DOCK10: variants seen among roughly 807,000 people sequenced by gnomAD.
DOCK10 encodes dedicator of cytokinesis protein 10.
A neutral mutation model predicts 280.1 loss-of-function variants in DOCK10; 145 were observed. That is an observed-to-expected ratio of 0.52 (90% CI 0.45 to 0.59). DOCK10 has a LOEUF of 0.59. DOCK10 is among the 20% of genes least tolerant of loss of function. The pLI is 0.00. For missense variants in DOCK10, 2,368 were observed against 2,651.7 expected, an observed-to-expected ratio of 0.89 and a Z score of 2.35; for synonymous variants, 915 against 942.2, an observed-to-expected ratio of 0.97 and a Z score of 0.53.
chr2:225,031,002 C>T (rs1331284716), intron 1 of DOCK10, among the ~76,000 whole-genome samples: 2 of 152,202 alleles, frequency 1.3e-5, no homozygotes, highest in African/African-American at 4.8e-5. Context: ...ATGACATTCT[C>T]TTTTCCATTT....
In DOCK10 at chr2:224,940,507, G is replaced by T. The variant is rs143246529; in HGVS notation, c.124-8839C>A. Reference sequence around the variant, plus strand: ...CTGTCTTTGAGGTGTGGGAATTTAGGTTTGGTAAACTCCTGAATTACCAGT... The same window carrying T: ...CTGTCTTTGAGGTGTGGGAATTTAGTTTTGGTAAACTCCTGAATTACCAGT... On this transcript the variant is annotated intron_variant, in intron 1 of 55. Transcript: ENST00000258390. Among the ~76,000 whole-genome samples, 570 of 152,278 alleles carry T rather than the reference G, an allele frequency of 3.7e-3. 10 individuals are homozygous for T. The highest frequency in any genetic ancestry group is 0.013 in the African/African-American group (545 of 41,542).
chr2:224,836,890 C>T (rs78980022), intron 25 of DOCK10, among the ~76,000 whole-genome samples: 8,726 of 148,298 alleles, frequency 0.059, 290 homozygotes, highest in South Asian at 0.079. Context: ...TGAGCCACCA[C>T]GCTTGGCCGA....
chr2:224,886,885 AAC>A lies in DOCK10; in HGVS notation c.417-356_417-355del, dbSNP rs1491206411. 2.6e-5 allele frequency among the ~76,000 whole-genome samples: 3 copies of A among 116,114 alleles called. 1 individual carries two copies. The highest frequency in any genetic ancestry group is 9.5e-5 in the African/African-American group (2 of 20,970). 76.2% of individuals were successfully genotyped at this position (116,114 alleles called of 152,430 possible). A position where few individuals can be genotyped will look rare whatever the true frequency, so the allele number is the denominator to read the frequency against. On this transcript the variant is annotated intron_variant, in intron 4 of 55. Transcript: ENST00000258390. Reference sequence around the variant, plus strand: ...TTCTCATGCTGCATGCAGCACCCCCAACACCCCCCCAAGTAGTACCTGGGATT... The same window carrying A: ...TTCTCATGCTGCATGCAGCACCCCCAACCCCCCCAAGTAGTACCTGGGATT...
chr2:224,969,559 G>A (rs774674720), intron 1 of DOCK10, among the ~76,000 whole-genome samples: 2 of 152,128 alleles, frequency 1.3e-5, no homozygotes, highest in African/African-American at 2.4e-5. Flanking sequence ...AAAAGCCTCC[G>A]ATGCCCATCA....
chr2:224,873,966 G>A, intron 11 of DOCK10, 30 bp downstream of exon 11: 1 of 1,586,424 alleles, frequency 6.3e-7, no homozygotes, highest in Non-Finnish European at 8.6e-7. Context: ...TTGGCTTAAT[G>A]GTATAGGATG....
chr2:225,005,831 C>T (rs1274330432), intron 1 of DOCK10, among the ~76,000 whole-genome samples: 1 of 152,190 alleles, frequency 6.6e-6, no homozygotes, highest in Non-Finnish European at 1.5e-5. Context: ...ATAACTGAAA[C>T]AAAATCTTCC....
At chr2:224,868,841 T>C (rs1258509889) in intron 11 of DOCK10, among the ~76,000 whole-genome samples, 1 of 152,016 alleles carries the variant, frequency 6.6e-6, no homozygotes, top group Non-Finnish European at 1.5e-5. Context: ...AATGCAAAAA[T>C]TACAGAAAAA....
chr2:224,987,936 G>C (rs1337424713), intron 1 of DOCK10, among the ~76,000 whole-genome samples: 1 of 152,150 alleles, frequency 6.6e-6, no homozygotes. Context: ...TGACTCATAC[G>C]AGTCACCTAA....
chr2:224,852,786 C>G (rs916952046), intron 17 of DOCK10, 149 bp downstream of exon 17: 4 of 600,786 alleles, frequency 6.7e-6, no homozygotes, highest in African/African-American at 5.6e-5. Flanking sequence ...TAAAACTCAT[C>G]AGTGCCTCTT....
At chr2:224,780,990 T>G (rs1691293487) in intron 50 of DOCK10, among the ~76,000 whole-genome samples, 1 of 152,110 alleles carries the variant, frequency 6.6e-6, no homozygotes, top group African/African-American at 2.4e-5. Flanking sequence ...AAATTCAGAC[T>G]CAGCAACCTA....
intron 1 of DOCK10, among the ~76,000 whole-genome samples, chr2:224,969,414 A>G (rs977118994): frequency 2.0e-5 from 3 of 152,170 alleles, no homozygotes; most frequent in Non-Finnish European, 4.4e-5. Context: ...ATGAACACAT[A>G]TATGGTTCAT....
chr2:224,814,289 A>G lies in DOCK10; in HGVS notation c.3409+31T>C, dbSNP rs1693978730. 6.3e-6 allele frequency: 9 copies of G among 1,422,664 alleles called. No individual in the cohort carries two copies. In the East Asian group the frequency reaches 2.4e-4, roughly 37 times the overall value. The allele number at this position is 1,422,664 out of a possible 1,614,324, so 88.1% of individuals were successfully genotyped here. A position where few individuals can be genotyped will look rare whatever the true frequency, so the allele number is the denominator to read the frequency against. Reference sequence around the variant, plus strand: ...CAATATTATTGGATTACAGGTGGTTACTGATGCTTAGGTAAGGTAATATCA... The same window carrying G: ...CAATATTATTGGATTACAGGTGGTTGCTGATGCTTAGGTAAGGTAATATCA... On this transcript the variant is annotated intron_variant, in intron 31 of 55. Coordinates refer to ENST00000258390, the MANE Select transcript of DOCK10 (RefSeq NM_014689.3).
chr2:224,987,790 T>C (rs956644696), intron 1 of DOCK10, among the ~76,000 whole-genome samples: 2 of 152,100 alleles, frequency 1.3e-5, no homozygotes, highest in Admixed American at 6.6e-5. Flanking sequence ...ACAGTGAGAC[T>C]GACAGAACCT....
chr2:224,954,594 A>G (rs972199169), intron 1 of DOCK10, among the ~76,000 whole-genome samples: 1 of 152,160 alleles, frequency 6.6e-6, no homozygotes, highest in African/African-American at 2.4e-5. Flanking sequence ...ATGGAGACAA[A>G]ACTCTAACTC....
intron 2 of DOCK10, among the ~76,000 whole-genome samples, chr2:224,922,748 A>G (rs560134144): frequency 6.6e-6 from 1 of 152,292 alleles, no homozygotes; most frequent in East Asian, 1.9e-4. Context: ...AGGTCACTGT[A>G]AAAGTCTAAA....
chr2:224,913,930 G>T (rs143649903), intron 3 of DOCK10, among the ~76,000 whole-genome samples: 19 of 152,014 alleles, frequency 1.2e-4, no homozygotes, highest in African/African-American at 4.6e-4. Flanking sequence ...AGTAGAGACG[G>T]GGTTTCACCA....
intron 2 of DOCK10, among the ~76,000 whole-genome samples, chr2:224,919,447 G>A (rs1701563120): frequency 6.6e-6 from 1 of 151,120 alleles, no homozygotes; most frequent in Admixed American, 6.6e-5. Flanking sequence ...CTGTACACAT[G>A]TGAATGGGTG....
chr2:224,925,818 C>T (rs1702017602), intron 2 of DOCK10, among the ~76,000 whole-genome samples: 1 of 152,206 alleles, frequency 6.6e-6, no homozygotes, highest in African/African-American at 2.4e-5. Context: ...AAACTCATTT[C>T]TGACTTTCTC....
chr2:224,967,204 C>G (rs1010817318), intron 1 of DOCK10, among the ~76,000 whole-genome samples: 3 of 152,008 alleles, frequency 2.0e-5, no homozygotes, highest in Non-Finnish European at 4.4e-5. Flanking sequence ...CTCAGCCTCC[C>G]GAGTAGTTGG....
Sources: allele counts gnomAD v4.1 joint callset (sites outside exome capture counted in the v4.1 genomes callset), GRCh38; gene constraint gnomAD v4.1.1; transcripts MANE v1.5; gene names NCBI Gene and HGNC (gene_info 2026-07-23, HGNC 2026-07-21).